PPARGC1A: variants seen among roughly 807,000 people sequenced by gnomAD.
PPARGC1A encodes the protein PPARG coactivator 1 alpha.
In PPARGC1A, 25 loss-of-function variants were observed where a neutral mutation model predicts 88.7. The ratio of observed to expected loss-of-function variants is 0.28; its 90% CI spans 0.21 to 0.39. The LOEUF is 0.39. Among genes scored for constraint, PPARGC1A ranks in the 10% least tolerant of loss-of-function variants. The pLI, the probability that PPARGC1A is intolerant of heterozygous loss-of-function variation, is 1.00. For synonymous variants in PPARGC1A, 363 were observed against 355.6 expected, an observed-to-expected ratio of 1.02 and a Z score of -0.24; for missense variants, 880 against 968.7, an observed-to-expected ratio of 0.91 and a Z score of 1.22.
the PPARGC1A span, among the ~76,000 whole-genome samples, chr4:24,036,137 T>C: frequency 6.6e-6 from 1 of 152,180 alleles, no homozygotes; most frequent in Non-Finnish European, 1.5e-5. Context: ...GCCTATCTCA[T>C]AGAGTTATTG....
chr4:24,421,584 T>G, the PPARGC1A span, among the ~76,000 whole-genome samples: 1 of 152,306 alleles, frequency 6.6e-6, no homozygotes, highest in East Asian at 1.9e-4. Context: ...GTGCTGGGAT[T>G]ACAGGCGTGA....
the PPARGC1A span, among the ~76,000 whole-genome samples, chr4:24,160,872 C>T: frequency 2.6e-5 from 4 of 152,168 alleles, no homozygotes; most frequent in African/African-American, 9.7e-5. Context: ...GAACAAAACA[C>T]TCAAACTATG....
chr4:24,445,306 T>C, the PPARGC1A span, among the ~76,000 whole-genome samples: 3,518 of 152,326 alleles, frequency 0.023, 155 homozygotes, highest in Admixed American at 0.11. Context: ...TGAAGACTTA[T>C]CTAATGCCTC....
At position 23,856,768 on chromosome 4, in the gene PPARGC1A, A is replaced by G. The variant is rs1284126284; in HGVS notation, c.235-25017T>C. 3.9e-5 allele frequency among the ~76,000 whole-genome samples: 6 copies of G among 152,236 alleles called. No individual in the cohort carries two copies. In the East Asian group the frequency reaches 9.7e-4, roughly 25 times the overall value. ...TTGATTAAAGGTACACATTGAATACATACTGGGGAGCCAATAACAGAAGCC... is the reference window on the plus strand; with the variant it reads ...TTGATTAAAGGTACACATTGAATACGTACTGGGGAGCCAATAACAGAAGCC... On this transcript the variant is annotated intron_variant, in intron 2 of 12. Coordinates refer to ENST00000264867, the MANE Select transcript of PPARGC1A (RefSeq NM_013261.5).
Position 23,813,831 on chromosome 4 carries a change from A to G in PPARGC1A, c.1652T>C (p.Val551Ala), listed in dbSNP as rs1721404776. Residue 551 changes from valine (V) to alanine (A), a missense_variant, in exon 8 of 13, where the codon GTG becomes GCG. Transcript: ENST00000264867. ...AGAAAATAAGGATTTGGGTGGTGAC[A>G]CAGAATCTCTACATGGAGAGTTAAA... Reference protein sequence around the residue: ...SSFNSPCRDSVSPPKSLFSQR... With the variant: ...SSFNSPCRDSASPPKSLFSQR... 1 of 1,613,932 alleles carries G rather than the reference A, an allele frequency of 6.2e-7. No homozygotes were observed. The highest frequency in any genetic ancestry group is 1.7e-5 in the Admixed American group (1 of 59,990).
the PPARGC1A span, among the ~76,000 whole-genome samples, chr4:24,422,330 AG>A: frequency 6.6e-6 from 1 of 152,228 alleles, no homozygotes; most frequent in Non-Finnish European, 1.5e-5. Flanking sequence ...AGATTGTCAA[AG>A]GAAAAGCTAG....
At chr4:23,961,055 G>C in the PPARGC1A span, among the ~76,000 whole-genome samples, 1 of 152,126 alleles carries the variant, frequency 6.6e-6, no homozygotes, top group Non-Finnish European at 1.5e-5. Context: ...GTATGTGTGC[G>C]TGTGTAATTT....
At chr4:24,403,995 G>A in the PPARGC1A span, among the ~76,000 whole-genome samples, 4 of 152,246 alleles carry the variant, frequency 2.6e-5, no homozygotes, top group Non-Finnish European at 5.9e-5. Context: ...CAGGTGAGGT[G>A]GCTCACGCCT....
At chr4:24,001,463 G>A in the PPARGC1A span, among the ~76,000 whole-genome samples, 17 of 152,056 alleles carry the variant, frequency 1.1e-4, no homozygotes, top group African/African-American at 3.1e-4. Context: ...ATTTTTTTAA[G>A]TGAGAACGTC....
the PPARGC1A span, among the ~76,000 whole-genome samples, chr4:23,947,498 G>T: frequency 6.6e-6 from 1 of 151,370 alleles, no homozygotes; most frequent in African/African-American, 2.4e-5. Context: ...GAACTGGGCA[G>T]TGTAACCCCA....
At chr4:24,358,289 C>A in the PPARGC1A span, among the ~76,000 whole-genome samples, 1 of 152,104 alleles carries the variant, frequency 6.6e-6, no homozygotes, top group South Asian at 2.1e-4. Context: ...TTTTTAAATC[C>A]TAATTTATTT....
chr4:23,796,359 C>T (rs1373883122), intron 12 of PPARGC1A, among the ~76,000 whole-genome samples: 1 of 152,244 alleles, frequency 6.6e-6, no homozygotes, highest in East Asian at 1.9e-4. Context: ...ATGAGAATTT[C>T]CCCTAAACTT....
chr4:24,122,612 T>G, the PPARGC1A span, among the ~76,000 whole-genome samples: 1 of 152,068 alleles, frequency 6.6e-6, no homozygotes, highest in Non-Finnish European at 1.5e-5. Flanking sequence ...TGGAGAACAG[T>G]GTCCCTGCTC....
chr4:24,335,718 C>A, the PPARGC1A span, among the ~76,000 whole-genome samples: 1 of 152,290 alleles, frequency 6.6e-6, no homozygotes, highest in Non-Finnish European at 1.5e-5. Context: ...GTCTAGACAA[C>A]AGGCCCATGA....
the PPARGC1A span, among the ~76,000 whole-genome samples, chr4:24,229,648 T>C: frequency 1.3e-5 from 2 of 151,112 alleles, no homozygotes; most frequent in African/African-American, 4.9e-5. Flanking sequence ...GCCTGACCAA[T>C]ATGGTGAAAC....
chr4:24,081,933 G>T, the PPARGC1A span, among the ~76,000 whole-genome samples: 1 of 151,914 alleles, frequency 6.6e-6, no homozygotes, highest in African/African-American at 2.4e-5. Context: ...TAACATTGCT[G>T]CCACTTCCTC....
the PPARGC1A span, among the ~76,000 whole-genome samples, chr4:24,187,931 G>C: frequency 3.3e-5 from 5 of 152,210 alleles, no homozygotes; most frequent in Admixed American, 6.5e-5. Context: ...TTTGAAGATG[G>C]AATATTTAAA....
chr4:23,920,365 A>G, the PPARGC1A span, among the ~76,000 whole-genome samples: 1 of 152,258 alleles, frequency 6.6e-6, no homozygotes, highest in East Asian at 1.9e-4. Context: ...CTAATTTTTA[A>G]AAAAATGAAT....
chr4:24,455,870 ATC>A, the PPARGC1A span, among the ~76,000 whole-genome samples: 1 of 152,236 alleles, frequency 6.6e-6, no homozygotes, highest in Non-Finnish European at 1.5e-5. Flanking sequence ...TAAGAAATAA[ATC>A]TCTGTTTTTT....
Sources: gnomAD v4.1 joint callset for allele counts (sites outside exome capture counted in the v4.1 genomes callset) on GRCh38, gnomAD v4.1.1 for gene constraint, MANE v1.5 for transcripts, NCBI Gene and HGNC (gene_info 2026-07-23, HGNC 2026-07-21) for gene names.